The following RYR2 variants were observed in gnomAD, a reference collection of about 807,000 sequenced individuals.
The protein encoded by RYR2 is cardiac muscle ryanodine receptor-calcium release channel.
RYR2 carries 227 observed loss-of-function variants against 601.1 expected under a neutral mutation model. That is an observed-to-expected ratio of 0.38 (90% CI 0.34 to 0.42). RYR2 has a LOEUF of 0.42. Ranked by LOEUF, RYR2 falls within the 10% of genes least tolerant of loss-of-function variation. The pLI, the probability that RYR2 is intolerant of heterozygous loss-of-function variation, is 1.00. For missense variants in RYR2, 4,646 were observed against 6,156.5 expected, an observed-to-expected ratio of 0.75 and a Z score of 8.21; for synonymous variants, 2,223 against 2,175.1, an observed-to-expected ratio of 1.02 and a Z score of -0.61.
At position 237,792,372 on chromosome 1, in the gene RYR2, T is replaced by TGCGCGC. The variant is rs370473584; in HGVS notation, c.13782+50_13782+51insCGCGCG. 8.4e-3 allele frequency: 7,523 copies of TGCGCGC among 890,508 alleles called. 57 individuals carry two copies. Among genetic ancestry groups the TGCGCGC allele is most frequent in the Admixed American group, 0.039 (1,541 of 39,574 alleles). 55.2% of individuals were successfully genotyped at this position (890,508 alleles called of 1,614,324 possible). The stretch of plus-strand genomic sequence containing the variant: ...ACCTGTGTGTGTGTGTGTGTGTGTG[T>TGCGCGC]GTGTGTGTGCGTGTGTGTGTGTGTG... On this transcript the variant is annotated intron_variant, in intron 94 of 104. Coordinates refer to ENST00000366574, the MANE Select transcript of RYR2 (RefSeq NM_001035.3).
intron 97 of RYR2, among the ~76,000 whole-genome samples, chr1:237,800,949 T>C (rs190999358): frequency 8.5e-5 from 13 of 152,230 alleles, no homozygotes; most frequent in Admixed American, 2.6e-4. Context: ...ATAAAAGGAA[T>C]TGTCTACAAA....
At chr1:237,138,269 G>T (rs1340010280) in intron 1 of RYR2, among the ~76,000 whole-genome samples, 4 of 152,152 alleles carry the variant, frequency 2.6e-5, no homozygotes, top group Non-Finnish European at 5.9e-5. Flanking sequence ...CTGAGCTCAG[G>T]TGATCCACCC....
At chr1:237,396,260 A>T (rs1326738051) in intron 10 of RYR2, among the ~76,000 whole-genome samples, 1 of 152,176 alleles carries the variant, frequency 6.6e-6, no homozygotes, top group East Asian at 1.9e-4. Flanking sequence ...GAGGACTATG[A>T]ATGACTCCAG....
At chr1:237,097,744 A>G (rs553662686) in intron 1 of RYR2, among the ~76,000 whole-genome samples, 2 of 152,172 alleles carry the variant, frequency 1.3e-5, no homozygotes, top group Non-Finnish European at 2.9e-5. Context: ...ACCAAGTATA[A>G]TAATATTCCA....
At chr1:237,764,883 T>C (rs1490259330) in intron 84 of RYR2, among the ~76,000 whole-genome samples, 1 of 152,168 alleles carries the variant, frequency 6.6e-6, no homozygotes, top group African/African-American at 2.4e-5. Context: ...TGAGATGCCA[T>C]GAGGAACTGT....
intron 8 of RYR2, among the ~76,000 whole-genome samples, chr1:237,384,344 T>C (rs1558726788): frequency 6.6e-6 from 1 of 152,234 alleles, no homozygotes; most frequent in Non-Finnish European, 1.5e-5. Context: ...AGGTCGTTGG[T>C]TTGGCGCCAG....
chr1:237,828,036 T>A lies in RYR2; in HGVS notation c.14591-345T>A, dbSNP rs75876757. Reference sequence around the variant, plus strand: ...TACATTAGTACTTGAAAAATCTGATTAGTGGAGTTTTCTGTACTTATAAAT... The same window carrying A: ...TACATTAGTACTTGAAAAATCTGATAAGTGGAGTTTTCTGTACTTATAAAT... On this transcript the variant is annotated intron_variant, in intron 101 of 104. Coordinates refer to ENST00000366574, the MANE Select transcript of RYR2 (RefSeq NM_001035.3). Among the ~76,000 whole-genome samples the A allele has an allele frequency of 5.9e-4, 90 of 152,140 alleles. 2 individuals are homozygous for A. Among genetic ancestry groups the A allele is most frequent in the Non-Finnish European group, 4.3e-4 (29 of 67,982 alleles).
intron 20 of RYR2, among the ~76,000 whole-genome samples, chr1:237,500,090 T>C (rs115522319): frequency 4.8e-4 from 73 of 152,270 alleles, no homozygotes; most frequent in Non-Finnish European, 7.4e-4. Flanking sequence ...TGGCCTATAG[T>C]TGTCTCACAA....
chr1:237,293,308 G>T (rs1692429897), intron 2 of RYR2, among the ~76,000 whole-genome samples: 1 of 152,170 alleles, frequency 6.6e-6, no homozygotes, highest in Non-Finnish European at 1.5e-5. Context: ...CCAAGTTCAA[G>T]CGATTCTCAT....
intron 1 of RYR2, among the ~76,000 whole-genome samples, chr1:237,053,601 G>C (rs1051412552): frequency 7.2e-5 from 11 of 152,290 alleles, no homozygotes; most frequent in African/African-American, 2.2e-4. Context: ...GCCAGCGCCC[G>C]GTCTCTTCTC....
intron 10 of RYR2, among the ~76,000 whole-genome samples, chr1:237,403,291 T>C (rs1174225323): frequency 6.6e-6 from 1 of 152,136 alleles, no homozygotes; most frequent in African/African-American, 2.4e-5. Context: ...AAAGATATAG[T>C]ACCTTTAAAG....
In RYR2 at chr1:237,112,394, G is replaced by A. The variant is rs1311501529; in HGVS notation, c.48+69825G>A. On this transcript the variant is annotated intron_variant, in intron 1 of 104. Transcript: ENST00000366574. Reference sequence around the variant, plus strand: ...CTCCCAGAGTGCTGGGATTACAGGCGTGAGCCACCGTGCCCGGCCCCCTCC... The same window carrying A: ...CTCCCAGAGTGCTGGGATTACAGGCATGAGCCACCGTGCCCGGCCCCCTCC... 8.5e-5 allele frequency among the ~76,000 whole-genome samples: 13 copies of A among 152,228 alleles called. No homozygotes were observed. In the East Asian group the frequency reaches 2.5e-3, roughly 29 times the overall value.
intron 1 of RYR2, among the ~76,000 whole-genome samples, chr1:237,222,539 A>T (rs1451378216): frequency 6.6e-6 from 1 of 151,976 alleles, no homozygotes; most frequent in Non-Finnish European, 1.5e-5. Flanking sequence ...GACCAGCCAG[A>T]ATCTTATGTT....
chr1:237,612,458 C>A (rs1383473961), intron 36 of RYR2, among the ~76,000 whole-genome samples: 5 of 152,042 alleles, frequency 3.3e-5, no homozygotes, highest in African/African-American at 9.7e-5. Flanking sequence ...TATTTTAAAA[C>A]AAAAGAAAAT....
At chr1:237,391,792 G>A (rs549359953) in intron 10 of RYR2, among the ~76,000 whole-genome samples, 1 of 152,148 alleles carries the variant, frequency 6.6e-6, no homozygotes, top group East Asian at 1.9e-4. Flanking sequence ...TGTTAATAAA[G>A]CTCTTAGAAT....
At chr1:237,381,251 CAAAAAAAAAAAAAAAA>C (rs60493059) in intron 8 of RYR2, among the ~76,000 whole-genome samples, 3 of 45,768 alleles carry the variant, frequency 6.6e-5, no homozygotes, top group Non-Finnish European at 1.1e-4. Context: ...GACTCCGTCT[CAAAAAAAAAAAAAAAA>C]AAAAAAAAAG....
intron 1 of RYR2, among the ~76,000 whole-genome samples, chr1:237,214,806 A>G (rs973219454): frequency 2.0e-5 from 3 of 152,190 alleles, no homozygotes; most frequent in African/African-American, 7.2e-5. Context: ...TTCCTTATGA[A>G]CTTTAAGAAT....
intron 102 of RYR2, chr1:237,830,242 G>A (rs909681571): frequency 3.3e-5 from 10 of 303,700 alleles, no homozygotes; most frequent in African/African-American, 2.0e-4. Flanking sequence ...TTTTCACCTA[G>A]GCTAGAGAAA....
rs983824420 is a variant in RYR2 at position 237,595,737 on chromosome 1, T to C, written c.4596+80T>C. 41 of 1,492,406 alleles carry C rather than the reference T, an allele frequency of 2.7e-5. No individual in the cohort carries two copies. In the African/African-American group the frequency reaches 4.4e-4, roughly 16 times the overall value. The allele number at this position is 1,492,406 out of a possible 1,614,324, so 92.4% of individuals were successfully genotyped here. On this transcript the variant is annotated intron_variant, in intron 34 of 104. Transcript: ENST00000366574. ...TTAAAGGAAAACACAGTTTGTAAGA[T>C]CAAAAAGTAAAATAGACACATGTAC... is the stretch of plus-strand genomic sequence containing the variant.
Sources: gnomAD v4.1 joint callset for allele counts (sites outside exome capture counted in the v4.1 genomes callset) on GRCh38, gnomAD v4.1.1 for gene constraint, MANE v1.5 for transcripts, NCBI Gene and HGNC (gene_info 2026-07-23, HGNC 2026-07-21) for gene names.